Variants in PTPN22 observed in about 807,000 individuals in gnomAD.
PTPN22 encodes the protein protein tyrosine phosphatase non-receptor type 22, also known as tyrosine-protein phosphatase non-receptor type 22.
In PTPN22, 85 loss-of-function variants were observed where a neutral mutation model predicts 103.3. The observed-to-expected ratio is 0.82, with a 90% CI of 0.69 to 0.99. The LOEUF is 0.99. Ranked by LOEUF, PTPN22 falls within the 50% of genes least tolerant of loss-of-function variation. PTPN22 has a pLI of 0.00. For missense variants in PTPN22, 865 were observed against 936.9 expected (o/e 0.92, Z 1.00); for synonymous variants, 323 against 310.2 (o/e 1.04, Z -0.43).
At chr1:113,834,754 T>G (rs1662833503) in intron 14 of PTPN22, among the ~76,000 whole-genome samples, 156 bp downstream of exon 14, 1 of 151,110 alleles carries the variant, frequency 6.6e-6, no homozygotes, top group Non-Finnish European at 1.5e-5. Flanking sequence ...AGAGATGAGG[T>G]CTCACTATGT....
chr1:113,871,745 T>TAAACCACAGCCTTCA, upstream of PTPN22: 2 of 799,886 alleles, frequency 2.5e-6, no homozygotes, highest in Non-Finnish European at 4.2e-6. Flanking sequence ...CTGAAGGCTG[T>TAAACCACAGCCTTCA]GGTTTACTGA....
At chr1:113,858,690 A>C (rs1004287427) in intron 3 of PTPN22, 117 bp from the exon 4 acceptor site, 3 of 719,012 alleles carry the variant, frequency 4.2e-6, no homozygotes, top group Non-Finnish European at 6.6e-6. Flanking sequence ...CCCAGGCTGG[A>C]GTGCAGTGGC....
chr1:113,828,595 T>C (rs1452465038), intron 18 of PTPN22, among the ~76,000 whole-genome samples: 1 of 152,228 alleles, frequency 6.6e-6, no homozygotes, highest in East Asian at 1.9e-4. Context: ...CTTTCCCTTT[T>C]ACTCTGCTCG....
intron 1 of PTPN22, among the ~76,000 whole-genome samples, chr1:113,870,693 CAT>C (rs997549822): frequency 9.9e-5 from 15 of 152,014 alleles, no homozygotes; most frequent in South Asian, 2.1e-4. Flanking sequence ...TGAAAAAACA[CAT>C]GTTATAATAT....
chr1:113,825,104 T>C, intron 19 of PTPN22, 38 bp downstream of exon 19: 1 of 1,390,134 alleles, frequency 7.2e-7, no homozygotes, highest in Non-Finnish European at 9.9e-7. Flanking sequence ...ATTACAAAAT[T>C]GAGAAAACGA....
At chr1:113,859,241 A>T (rs1471012580) in intron 2 of PTPN22, 111 bp downstream of exon 2, 28 of 1,538,022 alleles carry the variant, frequency 1.8e-5, no homozygotes, top group Non-Finnish European at 2.3e-5. Context: ...GTACAAACTA[A>T]GTTGTCAATG....
At chr1:113,838,368 T>C (rs372824432) in exon 13 of PTPN22, 2 of 1,594,782 alleles carry the variant, frequency 1.3e-6, no homozygotes, top group Non-Finnish European at 1.7e-6. Flanking sequence ...TTTCCATTTT[T>C]GTCCTTTGTT....
intron 5 of PTPN22, 110 bp from the exon 6 acceptor site, chr1:113,856,729 G>T (rs533257483): frequency 2.8e-6 from 4 of 1,414,220 alleles, no homozygotes; most frequent in Non-Finnish European, 3.9e-6. Context: ...GGTTAGGTGC[G>T]TCTAACCCCT....
At chr1:113,843,308 G>GT (rs61595773) in intron 11 of PTPN22, among the ~76,000 whole-genome samples, 10 of 142,822 alleles carry the variant, frequency 7.0e-5, no homozygotes, top group East Asian at 2.0e-4. Context: ...GTGTGTGTGT[G>GT]GTGTGTGTGT....
At chr1:113,829,699 C>A (rs1484526900) in exon 18 of PTPN22, 5 of 1,535,770 alleles carry the variant, frequency 3.3e-6, no homozygotes, top group Non-Finnish European at 4.4e-6. Flanking sequence ...ATAGATTGGG[C>A]CTGCATACCT....
At chr1:113,848,186 C>G (rs1480710456) in intron 11 of PTPN22, among the ~76,000 whole-genome samples, 12 of 151,640 alleles carry the variant, frequency 7.9e-5, no homozygotes, top group Non-Finnish European at 7.4e-5. Context: ...GTAGCTGGGA[C>G]TACAGGTATG....
At chr1:113,820,222 G>A (rs1661476364) in intron 19 of PTPN22, among the ~76,000 whole-genome samples, 1 of 152,102 alleles carries the variant, frequency 6.6e-6, no homozygotes, top group African/African-American at 2.4e-5. Flanking sequence ...GGGAGGCTGA[G>A]GCAGGCAGAT....
intron 20 of PTPN22, among the ~76,000 whole-genome samples, chr1:113,818,755 T>C (rs2101867778): frequency 6.6e-6 from 1 of 152,364 alleles, no homozygotes; most frequent in Non-Finnish European, 1.5e-5. Flanking sequence ...TATGAGCTGA[T>C]ATGATCTGGC....
exon 17 of PTPN22, chr1:113,829,949 A>G (rs772503700): frequency 6.3e-7 from 1 of 1,592,842 alleles, no homozygotes; most frequent in South Asian, 1.1e-5. Flanking sequence ...TACCACTTAC[A>G]ATCTTCATCG....
chr1:113,846,880 A>C (rs1321371294), intron 11 of PTPN22, among the ~76,000 whole-genome samples: 3 of 152,000 alleles, frequency 2.0e-5, no homozygotes, highest in African/African-American at 7.3e-5. Flanking sequence ...CTGATTTCTA[A>C]AACTTTTTTG....
chr1:113,820,842 A>G (rs1252381721), intron 19 of PTPN22, among the ~76,000 whole-genome samples: 2 of 152,178 alleles, frequency 1.3e-5, no homozygotes, highest in Non-Finnish European at 2.9e-5. Flanking sequence ...CATACGTAAT[A>G]CTAGGATTCT....
At chr1:113,862,516 G>T (rs766946107) in intron 1 of PTPN22, among the ~76,000 whole-genome samples, 2 of 151,984 alleles carry the variant, frequency 1.3e-5, no homozygotes, top group Non-Finnish European at 2.9e-5. Context: ...CTAGAAATTC[G>T]GATTGAGTCA....
chr1:113,853,641 G>T (rs1057477235), intron 9 of PTPN22, among the ~76,000 whole-genome samples: 1 of 150,966 alleles, frequency 6.6e-6, no homozygotes, highest in East Asian at 2.0e-4. Flanking sequence ...GAGCCACCAT[G>T]CCCGGCCAAA....
intron 11 of PTPN22, among the ~76,000 whole-genome samples, chr1:113,843,373 A>G (rs1376368873): frequency 1.3e-5 from 2 of 152,098 alleles, no homozygotes; most frequent in Non-Finnish European, 2.9e-5. Flanking sequence ...GAAAATTGTG[A>G]CACGTTACAA....
Sources: allele counts gnomAD v4.1 joint callset (sites outside exome capture counted in the v4.1 genomes callset), GRCh38; gene constraint gnomAD v4.1.1; transcripts MANE v1.5; gene names NCBI Gene and HGNC (gene_info 2026-07-23, HGNC 2026-07-21).